The following NFAT5 variants were observed in gnomAD, a reference collection of about 807,000 sequenced individuals.
NFAT5 encodes nuclear factor of activated T-cells 5.
Under a neutral mutation model 166.5 loss-of-function variants are expected in NFAT5, and 31 were observed. The observed-to-expected ratio is 0.19, with a 90% CI of 0.14 to 0.25. The LOEUF is 0.25. NFAT5 is among the 10% of genes least tolerant of loss of function. NFAT5 has a pLI of 1.00. For synonymous variants in NFAT5, 612 were observed against 639.7 expected (o/e 0.96, Z 0.65); for missense variants, 1,449 against 1,821.8 (o/e 0.80, Z 3.72).
At chr16:69,609,599 T>G (rs746427134) in intron 2 of NFAT5, among the ~76,000 whole-genome samples, 3 of 152,176 alleles carry the variant, frequency 2.0e-5, no homozygotes, top group African/African-American at 4.8e-5. Flanking sequence ...TAGACACTTA[T>G]TTTTGATCTC....
At chr16:69,691,599 G>A in intron 12 of NFAT5, 150 bp from the exon 13 acceptor site, 1 of 610,078 alleles carries the variant, frequency 1.6e-6, no homozygotes, top group Non-Finnish European at 2.8e-6. Flanking sequence ...ATGGAGAATT[G>A]TAGTCCTGTA....
chr16:69,700,486 T>C lies in NFAT5; in HGVS notation c.*4135T>C, dbSNP rs976470567. ...TGAATCTGTTAGATGCATCAACAAA[T>C]AATGACCAGGACAAAACGATTTAAT... On this transcript the variant is annotated 3_prime_UTR_variant, in exon 15 of 15. Coordinates refer to ENST00000349945, the MANE Select transcript of NFAT5 (RefSeq NM_138713.4). 1 of 152,220 alleles carries C rather than the reference T, an allele frequency of 6.6e-6. No homozygotes were observed. Among genetic ancestry groups the C allele is most frequent in the Non-Finnish European group, 1.5e-5 (1 of 68,028 alleles). 9.4% of individuals were successfully genotyped at this position (152,220 alleles called of 1,614,324 possible).
In NFAT5 at chr16:69,691,101, G is replaced by T; in HGVS notation, c.1923+13G>T. 6.5e-7 allele frequency: 1 copy of T among 1,546,350 alleles called. No homozygotes were observed. Among genetic ancestry groups the T allele is most frequent in the South Asian group, 1.3e-5 (1 of 78,642 alleles). On this transcript the variant is annotated intron_variant, in intron 12 of 14. Transcript: ENST00000349945. ...CACTATTTTTAAGGTAAGCTGTATT[G>T]ACTAGTGCACAAACCTCCTATATAA...
chr16:69,646,586 A>C (rs1481576758), intron 3 of NFAT5: 3 of 1,204,886 alleles, frequency 2.5e-6, no homozygotes, highest in Non-Finnish European at 1.1e-6. Flanking sequence ...TAGGTTAGAA[A>C]CTTATTTTAA....
At position 69,703,867 on chromosome 16, in the gene NFAT5, A is replaced by G. The variant is rs143493332; in HGVS notation, c.*7516A>G. On this transcript the variant is annotated 3_prime_UTR_variant, in exon 15 of 15. Transcript: ENST00000349945. ...CCTTTAAAAAATTCCATGTTTAACCATATGACCCTGCTTGCTTACTCATAT... is the reference window on the plus strand; with the variant it reads ...CCTTTAAAAAATTCCATGTTTAACCGTATGACCCTGCTTGCTTACTCATAT... The G allele has an allele frequency of 2.2e-3, 341 of 152,722 alleles. 3 individuals carry two copies. Among genetic ancestry groups the G allele is most frequent in the African/African-American group, 7.8e-3 (324 of 41,536 alleles). 9.5% of individuals were successfully genotyped at this position (152,722 alleles called of 1,614,324 possible). A position where few individuals can be genotyped will look rare whatever the true frequency, so the allele number is the denominator to read the frequency against.
chr16:69,671,259 A>C lies in NFAT5; in HGVS notation c.1557+971A>C, dbSNP rs1366196697. 2.0e-5 allele frequency among the ~76,000 whole-genome samples: 3 copies of C among 152,186 alleles called. No individual in the cohort carries two copies. In the East Asian group the frequency reaches 5.8e-4, roughly 29 times the overall value. On this transcript the variant is annotated intron_variant, in intron 9 of 14. Coordinates refer to ENST00000349945, the MANE Select transcript of NFAT5 (RefSeq NM_138713.4). ...CCTCTTTTTTTGAACGAGTGGCTCAAACAGTATTTTTCCTACTGTCCCCTT... is the reference window on the plus strand; with the variant it reads ...CCTCTTTTTTTGAACGAGTGGCTCACACAGTATTTTTCCTACTGTCCCCTT...
At chr16:69,691,263 A>G (rs2037534335) in intron 12 of NFAT5, among the ~76,000 whole-genome samples, 175 bp downstream of exon 12, 1 of 152,144 alleles carries the variant, frequency 6.6e-6, no homozygotes, top group African/African-American at 2.4e-5. Flanking sequence ...TATACAAGGG[A>G]GGAATTAATA....
At chr16:69,676,139 G>A (rs1425087167) in intron 9 of NFAT5, among the ~76,000 whole-genome samples, 2 of 152,000 alleles carry the variant, frequency 1.3e-5, no homozygotes, top group African/African-American at 2.4e-5. Flanking sequence ...TGTCAGCTTC[G>A]GCCTCCTGCA....
intron 10 of NFAT5, among the ~76,000 whole-genome samples, chr16:69,681,609 G>T (rs562091287): frequency 6.6e-6 from 1 of 152,168 alleles, no homozygotes; most frequent in South Asian, 2.1e-4. Context: ...CAAAATCTAG[G>T]ATAGTTGTAC....
chr16:69,685,296 C>T (rs2037252338), intron 11 of NFAT5: 1 of 150,382 alleles, frequency 6.6e-6, no homozygotes, highest in Non-Finnish European at 1.5e-5. Context: ...CCTGTAATGC[C>T]AGCACTTTGG....
At chr16:69,570,175 G>C (rs1567507100) in intron 2 of NFAT5, among the ~76,000 whole-genome samples, 1 of 152,064 alleles carries the variant, frequency 6.6e-6, no homozygotes, top group Non-Finnish European at 1.5e-5. Flanking sequence ...TTTCATTTTA[G>C]TTAAGGGGAT....
chr16:69,599,187 A>G (rs746727593), intron 2 of NFAT5, among the ~76,000 whole-genome samples: 19 of 149,438 alleles, frequency 1.3e-4, no homozygotes, highest in Non-Finnish European at 2.7e-4. Context: ...ATTAGGTAGT[A>G]GTAATGACTA....
At chr16:69,688,629 A>G (rs2037426087) in intron 11 of NFAT5, among the ~76,000 whole-genome samples, 1 of 152,020 alleles carries the variant, frequency 6.6e-6, no homozygotes, top group Admixed American at 6.6e-5. Context: ...TGCCTCCCAA[A>G]TTGCTGGGAT....
intron 2 of NFAT5, among the ~76,000 whole-genome samples, chr16:69,591,547 G>A (rs964780452): frequency 6.6e-6 from 1 of 151,934 alleles, no homozygotes; most frequent in Non-Finnish European, 1.5e-5. Context: ...TTTTTATCTA[G>A]CAAGATTATC....
intron 3 of NFAT5, chr16:69,632,330 T>C (rs1294894360): frequency 6.6e-6 from 1 of 152,210 alleles, no homozygotes. Flanking sequence ...ATCACAATCC[T>C]TCTAGCCATA....
At chr16:69,664,852 A>G (rs1469671120) in intron 7 of NFAT5, among the ~76,000 whole-genome samples, 1 of 151,982 alleles carries the variant, frequency 6.6e-6, no homozygotes, top group Non-Finnish European at 1.5e-5. Context: ...ACATGGAGAA[A>G]ACCCATCTCT....
chr16:69,589,775 T>C (rs1013822729), intron 2 of NFAT5, among the ~76,000 whole-genome samples: 2 of 152,196 alleles, frequency 1.3e-5, no homozygotes, highest in Admixed American at 6.5e-5. Context: ...TCTTGAAATA[T>C]AAGTTATTTA....
At chr16:69,624,267 G>A (rs553469443) in intron 2 of NFAT5, among the ~76,000 whole-genome samples, 5 of 152,078 alleles carry the variant, frequency 3.3e-5, no homozygotes, top group South Asian at 2.1e-4. Flanking sequence ...GTGCAATGGC[G>A]TGATCTCGGC....
At chr16:69,616,157 CACCGTAGGCA>C (rs2033934150) in intron 2 of NFAT5, among the ~76,000 whole-genome samples, 1 of 152,090 alleles carries the variant, frequency 6.6e-6, no homozygotes, top group African/African-American at 2.4e-5. Flanking sequence ...TCTACTTTCC[CACCGTAGGCA>C]ACCCTTCTAC....
Sources: allele counts gnomAD v4.1 joint callset (sites outside exome capture counted in the v4.1 genomes callset), GRCh38; gene constraint gnomAD v4.1.1; transcripts MANE v1.5; gene names NCBI Gene and HGNC (gene_info 2026-07-23, HGNC 2026-07-21).